Variants in TMTC2 observed in about 807,000 individuals in gnomAD.
TMTC2 encodes the protein protein O-mannosyl-transferase TMTC2.
Under a neutral mutation model 82.4 loss-of-function variants are expected in TMTC2, and 43 were observed. The observed-to-expected ratio is 0.52, with a 90% CI of 0.41 to 0.67. TMTC2 has a LOEUF of 0.67. Among genes scored for constraint, TMTC2 ranks in the 30% least tolerant of loss-of-function variants. The pLI is 0.00. For synonymous variants in TMTC2, 408 were observed against 381.9 expected (o/e 1.07, Z -0.80); for missense variants, 919 against 1,012.4 (o/e 0.91, Z 1.25).
chr12:82,813,172 T>G (rs1299950531), intron 1 of TMTC2, among the ~76,000 whole-genome samples: 1 of 152,164 alleles, frequency 6.6e-6, no homozygotes, highest in African/African-American at 2.4e-5. Context: ...GTTTTAAATA[T>G]TCTAGCATCT....
At chr12:82,771,394 C>T (rs1238917221) in intron 1 of TMTC2, among the ~76,000 whole-genome samples, 1 of 151,986 alleles carries the variant, frequency 6.6e-6, no homozygotes, top group African/African-American at 2.4e-5. Context: ...TTTAAATAAT[C>T]ACCTGAGATT....
At chr12:82,915,629 G>A (rs1009425721) in intron 3 of TMTC2, among the ~76,000 whole-genome samples, 20 of 152,172 alleles carry the variant, frequency 1.3e-4, no homozygotes, top group African/African-American at 4.3e-4. Context: ...GAATTTAAGG[G>A]AGAAAATGGA....
intron 1 of TMTC2, among the ~76,000 whole-genome samples, chr12:82,768,401 T>C (rs1187302819): frequency 6.6e-6 from 1 of 152,130 alleles, no homozygotes; most frequent in Non-Finnish European, 1.5e-5. Context: ...GATTTTCTGC[T>C]TGTAAAAGAG....
rs77738539 is a variant in TMTC2, at chr12:82,768,765, C to T, written c.83+81096C>T. ...TTATTGGTCATTACAGTTGGGGTTC[C>T]GAGAGCCTATAGTATTTTTTTTCAG... On this transcript the variant is annotated intron_variant, in intron 1 of 11. Transcript: ENST00000321196. 3.7e-3 allele frequency among the ~76,000 whole-genome samples: 562 copies of T among 151,734 alleles called. 2 individuals are homozygous for T. The highest frequency in any genetic ancestry group is 0.012 in the African/African-American group (513 of 41,336).
chr12:82,917,891 G>A (rs1327817358), intron 3 of TMTC2, among the ~76,000 whole-genome samples: 1 of 150,306 alleles, frequency 6.7e-6, no homozygotes, highest in Non-Finnish European at 1.5e-5. Context: ...GTGAGCCACT[G>A]CTCCCGGCCA....
At chr12:82,753,288 A>G (rs1053319368) in intron 1 of TMTC2, among the ~76,000 whole-genome samples, 3 of 150,472 alleles carry the variant, frequency 2.0e-5, no homozygotes, top group African/African-American at 7.3e-5. Flanking sequence ...TGCAGTCTTC[A>G]TATTGTCATG....
intron 1 of TMTC2, among the ~76,000 whole-genome samples, chr12:82,703,964 A>G (rs1873223107): frequency 1.3e-5 from 2 of 152,214 alleles, no homozygotes; most frequent in African/African-American, 4.8e-5. Flanking sequence ...AATTTTTGGC[A>G]TGTGTTATAA....
chr12:83,000,690 C>T (rs2082647), intron 8 of TMTC2, among the ~76,000 whole-genome samples: 2 of 151,992 alleles, frequency 1.3e-5, no homozygotes, highest in African/African-American at 2.4e-5. Context: ...TCACAGCTCC[C>T]GGTGGAGCCC....
At position 82,872,623 on chromosome 12, in the gene TMTC2, C is replaced by A. The variant is rs528302786; in HGVS notation, c.654+15043C>A. Among the ~76,000 whole-genome samples, 3 of 152,060 alleles carry A rather than the reference C, an allele frequency of 2.0e-5. No homozygotes were observed. In the East Asian group the frequency reaches 5.8e-4, roughly 29 times the overall value. On this transcript the variant is annotated intron_variant, in intron 2 of 11. Coordinates refer to ENST00000321196, the MANE Select transcript of TMTC2 (RefSeq NM_152588.3). ...CCTTGTAATTCAGATAAATTTTTTTCCTGCAAATTTCATAAAAAATACAAA... is the reference window on the plus strand; with the variant it reads ...CCTTGTAATTCAGATAAATTTTTTTACTGCAAATTTCATAAAAAATACAAA...
At chr12:82,993,142 G>A (rs1434795535) in intron 8 of TMTC2, among the ~76,000 whole-genome samples, 10 of 151,904 alleles carry the variant, frequency 6.6e-5, no homozygotes, top group South Asian at 2.1e-4. Flanking sequence ...ATGCCACCAC[G>A]CCTGGCTAAT....
intron 1 of TMTC2, among the ~76,000 whole-genome samples, chr12:82,716,556 G>T (rs1272796747): frequency 1.6e-4 from 24 of 151,998 alleles, no homozygotes; most frequent in Admixed American, 1.6e-3. Flanking sequence ...TAGAGACGGG[G>T]TTTCACCGTG....
At chr12:83,073,170 G>A (rs1035572584) in intron 11 of TMTC2, among the ~76,000 whole-genome samples, 4 of 152,070 alleles carry the variant, frequency 2.6e-5, no homozygotes, top group Admixed American at 2.6e-4. Flanking sequence ...AGTTCTTGTA[G>A]TGGTAGGTTG....
At chr12:83,078,563 G>A (rs993537223) in intron 11 of TMTC2, among the ~76,000 whole-genome samples, 1 of 152,110 alleles carries the variant, frequency 6.6e-6, no homozygotes, top group Non-Finnish European at 1.5e-5. Flanking sequence ...GATACCAAAT[G>A]CCAACAAATA....
At chr12:82,966,818 G>A (rs1565832165) in intron 6 of TMTC2, 101 bp from the exon 7 acceptor site, 1 of 777,782 alleles carries the variant, frequency 1.3e-6, no homozygotes, top group Non-Finnish European at 2.0e-6. Flanking sequence ...AGAAATAGCA[G>A]TGGATGGTTT....
At chr12:82,884,886 A>C (rs1873011088) in intron 2 of TMTC2, among the ~76,000 whole-genome samples, 2 of 151,820 alleles carry the variant, frequency 1.3e-5, no homozygotes, top group African/African-American at 4.8e-5. Flanking sequence ...TGAGTTTTTC[A>C]GACTTTTTTT....
chr12:83,055,736 G>A (rs1206469915), intron 10 of TMTC2, among the ~76,000 whole-genome samples: 2 of 149,752 alleles, frequency 1.3e-5, no homozygotes, highest in Non-Finnish European at 3.0e-5. Context: ...GTGTGTGTAT[G>A]TGTGTGTGTT....
At chr12:82,730,066 A>G (rs1423779788) in intron 1 of TMTC2, among the ~76,000 whole-genome samples, 1 of 152,128 alleles carries the variant, frequency 6.6e-6, no homozygotes, top group African/African-American at 2.4e-5. Context: ...AACTCCGGAC[A>G]CGCTGCCTTT....
At chr12:82,882,429 T>C (rs1164220799) in intron 2 of TMTC2, among the ~76,000 whole-genome samples, 1 of 152,012 alleles carries the variant, frequency 6.6e-6, no homozygotes, top group East Asian at 1.9e-4. Context: ...TTAGAGTTGT[T>C]TTTTCTATAA....
At chr12:82,718,390 T>C (rs1053542726) in intron 1 of TMTC2, among the ~76,000 whole-genome samples, 1 of 152,230 alleles carries the variant, frequency 6.6e-6, no homozygotes, top group Non-Finnish European at 1.5e-5. Context: ...ATTATACCTG[T>C]AGATCCTCAT....
Sources: allele counts gnomAD v4.1 joint callset (sites outside exome capture counted in the v4.1 genomes callset), GRCh38; gene constraint gnomAD v4.1.1; transcripts MANE v1.5; gene names NCBI Gene and HGNC (gene_info 2026-07-23, HGNC 2026-07-21).